ACTR3C: variants seen among roughly 807,000 people sequenced by gnomAD.
ACTR3C encodes the protein actin-related protein 3C.
ACTR3C carries 18 observed loss-of-function variants against 26.3 expected under a neutral mutation model. That is an observed-to-expected ratio of 0.68 (90% CI 0.47 to 1.01). The LOEUF is 1.01. Ranked by LOEUF, ACTR3C falls within the 50% of genes least tolerant of loss-of-function variation. The probability of loss-of-function intolerance (pLI) is 0.00; values close to 1 mark genes in which losing one functional copy is unlikely to be tolerated. For synonymous variants in ACTR3C, 55 were observed against 94.5 expected, an observed-to-expected ratio of 0.58 and a Z score of 2.42; for missense variants, 184 against 250.7, an observed-to-expected ratio of 0.73 and a Z score of 1.80.
At chr7:150,300,336 A>G (rs1168145207) in intron 1 of ACTR3C, among the ~76,000 whole-genome samples, 1 of 152,164 alleles carries the variant, frequency 6.6e-6, no homozygotes, top group African/African-American at 2.4e-5. Flanking sequence ...TGGGCTACAG[A>G]GCAAGACTCC....
the ACTR3C span, among the ~76,000 whole-genome samples, chr7:149,983,944 T>C: frequency 6.6e-6 from 1 of 152,068 alleles, no homozygotes; most frequent in Non-Finnish European, 1.5e-5. Context: ...AGAGAGGTGC[T>C]TGCCAGGGGC....
intron 6 of ACTR3C, among the ~76,000 whole-genome samples, chr7:150,271,507 A>G (rs993435820): frequency 2.0e-5 from 3 of 150,726 alleles, no homozygotes; most frequent in Non-Finnish European, 4.4e-5. Flanking sequence ...CCTGCAAAGG[A>G]CATGAACTCA....
the ACTR3C span, among the ~76,000 whole-genome samples, chr7:150,096,891 T>A: frequency 2.0e-5 from 3 of 151,838 alleles, no homozygotes; most frequent in African/African-American, 7.3e-5. Context: ...TGCCTCCAAG[T>A]CCCAGGAGGC....
chr7:150,013,698 G>T, the ACTR3C span, among the ~76,000 whole-genome samples: 10 of 152,210 alleles, frequency 6.6e-5, no homozygotes, highest in Admixed American at 5.9e-4. Flanking sequence ...TAAGTCCCTG[G>T]AGCTGTCCCC....
At chr7:150,271,671 A>C (rs1834463424) in intron 6 of ACTR3C, among the ~76,000 whole-genome samples, 1 of 144,436 alleles carries the variant, frequency 6.9e-6, no homozygotes, top group African/African-American at 2.8e-5. Flanking sequence ...TTTATAGCAG[A>C]ATGATTTATA....
chr7:150,026,824 G>A, the ACTR3C span, among the ~76,000 whole-genome samples: 1 of 152,080 alleles, frequency 6.6e-6, no homozygotes, highest in Non-Finnish European at 1.5e-5. Flanking sequence ...TTAGAGGCAA[G>A]CCTTTTGCCA....
At chr7:150,170,094 G>A in the ACTR3C span, among the ~76,000 whole-genome samples, 1 of 149,282 alleles carries the variant, frequency 6.7e-6, no homozygotes, top group Non-Finnish European at 1.5e-5. Context: ...GTGTCAGCCA[G>A]AGATGCAGTC....
At chr7:149,911,930 A>C in the ACTR3C span, among the ~76,000 whole-genome samples, 4 of 151,186 alleles carry the variant, frequency 2.6e-5, no homozygotes, top group South Asian at 6.3e-4. Context: ...GGACCCGTTA[A>C]GCCCAGGAGT....
the ACTR3C span, among the ~76,000 whole-genome samples, chr7:150,162,338 T>TG: frequency 6.6e-6 from 1 of 151,850 alleles, no homozygotes; most frequent in African/African-American, 2.4e-5. Context: ...AAGTAATTTT[T>TG]TTTTTGAGAT....
chr7:150,070,507 G>T, the ACTR3C span, among the ~76,000 whole-genome samples: 3 of 152,304 alleles, frequency 2.0e-5, no homozygotes, highest in East Asian at 5.8e-4. Flanking sequence ...CTGGAGTGCG[G>T]TGGTACTAAC....
At chr7:150,277,348 T>C (rs1834965239) in intron 6 of ACTR3C, among the ~76,000 whole-genome samples, 1 of 152,236 alleles carries the variant, frequency 6.6e-6, no homozygotes, top group Admixed American at 6.5e-5. Context: ...CTATTGGTTC[T>C]GTTTCTAAAG....
Position 150,289,559 on chromosome 7 carries a change from T to TAGA in ACTR3C, c.187_188insTCT (p.His63delinsLeuTyr). On this transcript the variant is annotated protein_altering_variant, in exon 4 of 8. Transcript: ENST00000683684. The stretch of plus-strand genomic sequence containing the variant: ...AATATCTCTACCTGCAATCGGGATG[T>TAGA]GTTTGATGCAGCTTCCAATTACATA... 6.3e-7 allele frequency: 1 copy of TAGA among 1,597,588 alleles called. No individual in the cohort carries two copies. Among genetic ancestry groups the TAGA allele is most frequent in the African/African-American group, 1.4e-5 (1 of 74,032 alleles).
the ACTR3C span, among the ~76,000 whole-genome samples, chr7:149,924,324 A>G: frequency 2.1e-4 from 32 of 151,834 alleles, no homozygotes; most frequent in African/African-American, 7.2e-4. Context: ...GCAGTGAGCC[A>G]AGATCGCTCC....
chr7:150,225,588 T>A, the ACTR3C span, among the ~76,000 whole-genome samples: 2 of 152,240 alleles, frequency 1.3e-5, no homozygotes, highest in Non-Finnish European at 2.9e-5. Context: ...CAGTGCTGTG[T>A]ACAGTTTCTT....
chr7:150,258,922 GCAGA>G (rs1188893729), intron 6 of ACTR3C, among the ~76,000 whole-genome samples: 1 of 151,912 alleles, frequency 6.6e-6, no homozygotes, highest in Non-Finnish European at 1.5e-5. Context: ...AGTTGCTGGA[GCAGA>G]CAAATATGGC....
the ACTR3C span, among the ~76,000 whole-genome samples, chr7:149,995,445 A>T: frequency 6.6e-6 from 1 of 152,370 alleles, no homozygotes; most frequent in South Asian, 2.1e-4. Flanking sequence ...GAAAGAGTGA[A>T]ATCACAGATA....
chr7:150,039,370 G>T, the ACTR3C span, among the ~76,000 whole-genome samples: 1 of 97,798 alleles, frequency 1.0e-5, no homozygotes, highest in African/African-American at 3.0e-5. Flanking sequence ...TCCCCCTCCT[G>T]CGATGGGGGT....
the ACTR3C span, among the ~76,000 whole-genome samples, chr7:149,908,498 A>G: frequency 9.2e-5 from 14 of 152,314 alleles, no homozygotes; most frequent in East Asian, 1.7e-3. Context: ...AGTGATGTGA[A>G]TACCCACATT....
chr7:150,225,004 AGTGTGTGTGTGT>A, the ACTR3C span, among the ~76,000 whole-genome samples: 71 of 136,286 alleles, frequency 5.2e-4, no homozygotes, highest in Middle Eastern at 3.8e-3. Flanking sequence ...CACCCCCATT[AGTGTGTGTGTGT>A]GTGTGTGTGT....
Sources: allele counts gnomAD v4.1 joint callset (sites outside exome capture counted in the v4.1 genomes callset), GRCh38; gene constraint gnomAD v4.1.1; transcripts MANE v1.5; gene names NCBI Gene and HGNC (gene_info 2026-07-23, HGNC 2026-07-21).